NFASC: variants seen among roughly 807,000 people sequenced by gnomAD.
NFASC encodes neurofascin homolog.
A neutral mutation model predicts 147.5 loss-of-function variants in NFASC; 43 were observed. The ratio of observed to expected loss-of-function variants is 0.29; its 90% CI spans 0.23 to 0.38. The LOEUF is 0.38. Among genes scored for constraint, NFASC ranks in the 10% least tolerant of loss-of-function variants. NFASC has a pLI of 1.00. For missense variants in NFASC, 1,320 were observed against 1,689.0 expected (o/e 0.78, Z 3.83); for synonymous variants, 622 against 665.5 (o/e 0.93, Z 1.01).
At chr1:204,964,641 G>A (rs1179509121) in intron 8 of NFASC, among the ~76,000 whole-genome samples, 1 of 152,174 alleles carries the variant, frequency 6.6e-6, no homozygotes, top group Non-Finnish European at 1.5e-5. Flanking sequence ...ATCTTCTGGG[G>A]TTGTTTGGTC....
At chr1:204,849,723 G>T (rs1558495692) in intron 1 of NFASC, among the ~76,000 whole-genome samples, 1 of 152,130 alleles carries the variant, frequency 6.6e-6, no homozygotes, top group Non-Finnish European at 1.5e-5. Flanking sequence ...CCATCCCCCT[G>T]GAAGTGCCCG....
intron 1 of NFASC, among the ~76,000 whole-genome samples, chr1:204,876,294 A>G (rs976050515): frequency 2.6e-5 from 4 of 152,044 alleles, no homozygotes; most frequent in Admixed American, 6.5e-5. Context: ...CATCCAGTTT[A>G]CAGTCCACCG....
intron 2 of NFASC, among the ~76,000 whole-genome samples, chr1:204,939,773 T>A (rs777368725): frequency 6.6e-6 from 1 of 152,270 alleles, no homozygotes; most frequent in African/African-American, 2.4e-5. Flanking sequence ...CTAGCAAGCC[T>A]GTCCCTTTCA....
chr1:204,895,147 ACTT>A (rs1428347637), intron 1 of NFASC, among the ~76,000 whole-genome samples: 1 of 151,968 alleles, frequency 6.6e-6, no homozygotes, highest in African/African-American at 2.4e-5. Context: ...TTTTACACAA[ACTT>A]TCCTCTCCAT....
intron 1 of NFASC, among the ~76,000 whole-genome samples, chr1:204,850,056 C>T (rs2075540624): frequency 6.6e-6 from 1 of 152,176 alleles, no homozygotes; most frequent in African/African-American, 2.4e-5. Flanking sequence ...CCGAGGGGCA[C>T]ACAGTGAGAA....
intron 29 of NFASC, among the ~76,000 whole-genome samples, chr1:205,014,498 CATGGG>C (rs2096310543): frequency 6.6e-6 from 1 of 152,222 alleles, no homozygotes; most frequent in Non-Finnish European, 1.5e-5. Flanking sequence ...CCACCTTTCC[CATGGG>C]GCACCCTCTG....
At chr1:204,964,083 A>G (rs2094823326) in intron 8 of NFASC, among the ~76,000 whole-genome samples, 1 of 152,238 alleles carries the variant, frequency 6.6e-6, no homozygotes, top group Non-Finnish European at 1.5e-5. Context: ...CAAGTGGTTA[A>G]GAGTGTGTGC....
intron 23 of NFASC, 144 bp downstream of exon 23, chr1:204,988,950 A>G: frequency 1.4e-6 from 1 of 728,744 alleles, no homozygotes; most frequent in Non-Finnish European, 2.3e-6. Context: ...GTGAGAACCC[A>G]TCTTATGTGT....
In NFASC at chr1:205,020,710, T is replaced by G. The variant is rs1407084059; in HGVS notation, c.*4171T>G. 6.6e-6 allele frequency: 1 copy of G among 152,220 alleles called. No homozygotes were observed. Among genetic ancestry groups the G allele is most frequent in the African/African-American group, 2.4e-5 (1 of 41,434 alleles). 9.4% of individuals were successfully genotyped at this position (152,220 alleles called of 1,614,324 possible). A position where few individuals can be genotyped will look rare whatever the true frequency, so the allele number is the denominator to read the frequency against. Reference sequence around the variant, plus strand: ...CAGGGACATAGCACATTTTTGTCTGTCTTTGTGAGGCTGCTTTGCTAACTC... The same window carrying G: ...CAGGGACATAGCACATTTTTGTCTGGCTTTGTGAGGCTGCTTTGCTAACTC... On this transcript the variant is annotated 3_prime_UTR_variant, in exon 30 of 30. Transcript: ENST00000339876.
At chr1:204,829,625 T>G (rs1005865349) in intron 1 of NFASC, among the ~76,000 whole-genome samples, 1 of 152,116 alleles carries the variant, frequency 6.6e-6, no homozygotes, top group Non-Finnish European at 1.5e-5. Flanking sequence ...ATGCAGCCAC[T>G]CTACTCCTCT....
At chr1:204,919,931 A>T (rs1037383959) in intron 1 of NFASC, among the ~76,000 whole-genome samples, 1 of 152,146 alleles carries the variant, frequency 6.6e-6, no homozygotes, top group Non-Finnish European at 1.5e-5. Flanking sequence ...CTGCAGACAC[A>T]TTCTAATGTT....
chr1:204,935,716 G>C (rs190936340), intron 2 of NFASC, among the ~76,000 whole-genome samples: 2 of 152,152 alleles, frequency 1.3e-5, no homozygotes, highest in Admixed American at 1.3e-4. Context: ...GGGCACCCCG[G>C]TCCTCAACAC....
chr1:204,947,772 T>C (rs1331579522), intron 3 of NFASC, among the ~76,000 whole-genome samples: 1 of 152,054 alleles, frequency 6.6e-6, no homozygotes, highest in African/African-American at 2.4e-5. Context: ...GACAGCATTT[T>C]CCTCCCAGAA....
intron 1 of NFASC, among the ~76,000 whole-genome samples, chr1:204,880,427 C>A (rs1460879136): frequency 6.6e-6 from 1 of 152,172 alleles, no homozygotes; most frequent in Non-Finnish European, 1.5e-5. Flanking sequence ...GCGATCTCAG[C>A]TCACTGCAAG....
At chr1:204,895,342 C>T (rs2083189394) in intron 1 of NFASC, among the ~76,000 whole-genome samples, 1 of 152,222 alleles carries the variant, frequency 6.6e-6, no homozygotes, top group African/African-American at 2.4e-5. Context: ...TTCCTGCCAG[C>T]CCCTTCCCAC....
chr1:204,839,189 T>C (rs1194530224), intron 1 of NFASC, among the ~76,000 whole-genome samples: 1 of 152,200 alleles, frequency 6.6e-6, no homozygotes, highest in Non-Finnish European at 1.5e-5. Context: ...GAGTCACTCT[T>C]TGTTAGCATG....
rs75556990 is a variant in NFASC at position 204,843,409 on chromosome 1, A to G, written c.-200+14627A>G. Among the ~76,000 whole-genome samples, 303 of 152,282 alleles carry G rather than the reference A, an allele frequency of 2.0e-3. 1 individual carries two copies. The highest frequency in any genetic ancestry group is 0.017 in the Middle Eastern group (5 of 294). ...AAAATCGTAGTACACTCTCGCAACCAGGATATTGATGTTGATATAATCCAC... is the reference window on the plus strand; with the variant it reads ...AAAATCGTAGTACACTCTCGCAACCGGGATATTGATGTTGATATAATCCAC... On this transcript the variant is annotated intron_variant, in intron 1 of 29. Coordinates refer to ENST00000339876, the MANE Select transcript of NFASC (RefSeq NM_001005388.3).
chr1:205,014,295 A>C (rs1415362233), intron 29 of NFASC, among the ~76,000 whole-genome samples: 1 of 152,132 alleles, frequency 6.6e-6, no homozygotes, highest in African/African-American at 2.4e-5. Context: ...CCCTACACGC[A>C]CACACCCCTC....
At chr1:204,883,664 A>AG (rs1156801448) in intron 1 of NFASC, among the ~76,000 whole-genome samples, 1 of 152,234 alleles carries the variant, frequency 6.6e-6, no homozygotes, top group African/African-American at 2.4e-5. Context: ...GAAGAGGAGC[A>AG]GGGTCAGATT....
Sources: gnomAD v4.1 joint callset for allele counts (sites outside exome capture counted in the v4.1 genomes callset) on GRCh38, gnomAD v4.1.1 for gene constraint, MANE v1.5 for transcripts, NCBI Gene and HGNC (gene_info 2026-07-23, HGNC 2026-07-21) for gene names.